The following SERINC4 variants were observed in gnomAD, a reference collection of about 807,000 sequenced individuals.
SERINC4 encodes serine incorporator 4.
SERINC4 carries 52 observed loss-of-function variants against 52.0 expected under a neutral mutation model. The observed-to-expected ratio is 1.00, with a 90% CI of 0.80 to 1.26. The LOEUF (loss-of-function observed/expected upper bound fraction) is 1.26. Ranked by LOEUF, SERINC4 falls within the 50% of genes most tolerant of loss-of-function variation. SERINC4 has a pLI of 0.00. For missense variants in SERINC4, 723 were observed against 632.8 expected, an observed-to-expected ratio of 1.14 and a Z score of -1.53; for synonymous variants, 264 against 247.7, an observed-to-expected ratio of 1.07 and a Z score of -0.62.
chr15:43,796,496 G>C, intron 8 of SERINC4, 120 bp downstream of exon 8: 1 of 1,119,536 alleles, frequency 8.9e-7, no homozygotes, highest in Admixed American at 2.1e-5. Context: ...TTTGTGGGGA[G>C]CTTTTCTCAC....
chr15:43,795,886 C>T (rs1266699945), intron 9 of SERINC4, 150 bp from the exon 10 acceptor site: 3 of 751,942 alleles, frequency 4.0e-6, no homozygotes, highest in Non-Finnish European at 6.4e-6. Flanking sequence ...AGTGGCTGTG[C>T]AGACTTTGGT....
chr15:43,799,751 G>A, intron 1 of SERINC4, 134 bp downstream of exon 1: 2 of 844,896 alleles, frequency 2.4e-6, no homozygotes, highest in Non-Finnish European at 4.0e-6. Context: ...AAACATGGCG[G>A]GAGAGATTTA....
Position 43,797,326 on chromosome 15 carries a change from C to A in SERINC4, c.663G>T (p.Trp221Cys), listed in dbSNP as rs1182776566. 3 of 1,548,750 alleles carry A rather than the reference C, an allele frequency of 1.9e-6. No individual in the cohort carries two copies. The African/African-American group carries it at 4.1e-5, about 21-fold the overall frequency. Residue 221 changes from tryptophan (W) to cysteine (C), a missense_variant, in exon 6 of 12, where the codon TGG (tryptophan) becomes TGT (cysteine). By Grantham distance (215) the Trp-to-Cys change is radical (BLOSUM62 -2). Coordinates refer to ENST00000319327, the MANE Select transcript of SERINC4 (RefSeq NM_001258031.2). ...GGGTGGCCAGCAGGACAGCCAGGAACCAGCTACAGTCTTGAGCTGCACCTG... is the reference window on the plus strand; with the variant it reads ...GGGTGGCCAGCAGGACAGCCAGGAAACAGCTACAGTCTTGAGCTGCACCTG... ...WQTGAAQDCS[W>C]FLAVLLATLG...
At position 43,797,099 on chromosome 15, in the gene SERINC4, C is replaced by G. The variant is rs769737109; in HGVS notation, c.844+46G>C. 2.0e-6 allele frequency: 3 copies of G among 1,520,668 alleles called. No individual in the cohort carries two copies. In the East Asian group the frequency reaches 7.4e-5, roughly 37 times the overall value. 94.2% of individuals were successfully genotyped at this position (1,520,668 alleles called of 1,614,324 possible). A position where few individuals can be genotyped will look rare whatever the true frequency, so the allele number is the denominator to read the frequency against. On this transcript the variant is annotated intron_variant, in intron 6 of 11. Transcript: ENST00000319327. ...TAGGGAGGTAATGAAACTTGCTATGCTTTTAAGGCCCCCAAAACCTGGAAT... is the reference window on the plus strand; with the variant it reads ...TAGGGAGGTAATGAAACTTGCTATGGTTTTAAGGCCCCCAAAACCTGGAAT...
In SERINC4 at chr15:43,795,433, A is replaced by G; in HGVS notation, c.1298T>C (p.Phe433Ser). ...YNYSAFHFVF[F>S]LASLYVMVTL... The stretch of plus-strand genomic sequence containing the variant: ...AACCATGACATAGAGTGAGGCAAGG[A>G]AGAAGACGAAGTGGAAGGCAGAATA... The change falls in exon 11 of 12, where the codon TTC (phenylalanine) becomes TCC (serine). Residue 433 changes from phenylalanine to serine, a missense_variant. Coordinates refer to ENST00000319327, the MANE Select transcript of SERINC4 (RefSeq NM_001258031.2). 6.2e-7 allele frequency: 1 copy of G among 1,614,190 alleles called. No homozygotes were observed. The highest frequency in any genetic ancestry group is 1.1e-5 in the South Asian group (1 of 91,086).
chr15:43,799,969 G>A lies in SERINC4; in HGVS notation c.18C>T (p.Ala6=). 1 of 1,544,572 alleles carries A rather than the reference G, an allele frequency of 6.5e-7. No homozygotes were observed. The highest frequency in any genetic ancestry group is 8.7e-7 in the Non-Finnish European group (1 of 1,144,832). Reference sequence around the variant, plus strand: ...CCAGGGAGGTGCCGGGGCTGGGGCCGGCCTTGGCACCCACCATCCTTGTCC... The same window carrying A: ...CCAGGGAGGTGCCGGGGCTGGGGCCAGCCTTGGCACCCACCATCCTTGTCC... MVGAK[A]GPSPGTSLGL... is the part of the protein sequence containing the mutation. Residue 6 remains alanine, a synonymous_variant, in exon 1 of 12, where the codon GCC becomes GCT. Transcript: ENST00000319327.
At position 43,799,987 on chromosome 15, in the gene SERINC4, C is replaced by T. The variant is rs1567173088; in HGVS notation, c.-1G>A. ...TGGGGCCGGCCTTGGCACCCACCAT[C>T]CTTGTCCCAGGGATTAGGCTTAGGT... is the stretch of plus-strand genomic sequence containing the variant. On this transcript the variant is annotated 5_prime_UTR_variant, in exon 1 of 12. Coordinates refer to ENST00000319327, the MANE Select transcript of SERINC4 (RefSeq NM_001258031.2). 3 of 1,532,436 alleles carry T rather than the reference C, an allele frequency of 2.0e-6. No homozygotes were observed. In the African/African-American group the frequency reaches 4.1e-5, roughly 21 times the overall value. The allele number at this position is 1,532,436 out of a possible 1,614,324, so 94.9% of individuals were successfully genotyped here.
chr15:43,796,225 T>C lies in SERINC4; in HGVS notation c.1070A>G (p.Asn357Ser). The C allele has an allele frequency of 6.2e-7, 1 of 1,612,834 alleles. No individual in the cohort carries two copies. Among genetic ancestry groups the C allele is most frequent in the East Asian group, 2.2e-5 (1 of 44,874 alleles). ...IMYACVLFAC[N>S]EASYLAEVFG... is the part of the protein sequence containing the mutation. ...TACCTCAGCCAGGTAGGAGGCCTCATTGCTGAGAAAGAATAGAGTTCTTAA... is the reference window on the plus strand; with the variant it reads ...TACCTCAGCCAGGTAGGAGGCCTCACTGCTGAGAAAGAATAGAGTTCTTAA... Residue 357 changes from asparagine to serine, a missense_variant and splice_region_variant, in exon 9 of 12, where the codon AAT becomes AGT. By Grantham distance (46) the Asn-to-Ser change is conservative. Transcript: ENST00000319327.
intron 8 of SERINC4, 147 bp downstream of exon 8, chr15:43,796,466 ATTC>A: frequency 2.3e-6 from 2 of 878,150 alleles, no homozygotes; most frequent in Non-Finnish European, 3.6e-6. Context: ...ACAAAGTACT[ATTC>A]TTAGAATTTG....
intron 2 of SERINC4, 76 bp from the exon 3 acceptor site, chr15:43,799,213 C>T: frequency 3.3e-6 from 5 of 1,504,820 alleles, no homozygotes; most frequent in Non-Finnish European, 4.5e-6. Context: ...CGGGTATGAC[C>T]ACTCATTTGT....
intron 8 of SERINC4, 92 bp downstream of exon 8, chr15:43,796,524 C>A: frequency 7.1e-7 from 1 of 1,417,202 alleles, no homozygotes; most frequent in Non-Finnish European, 9.8e-7. Context: ...TTGCTCTAAA[C>A]TTTAAATAAT....
At chr15:43,796,279 G>C (rs775954497) in intron 8 of SERINC4, 52 bp from the exon 9 acceptor site, 1 of 1,420,444 alleles carries the variant, frequency 7.0e-7, no homozygotes, top group East Asian at 2.3e-5. Flanking sequence ...GGATTATCTG[G>C]GGGCATTTAC....
In SERINC4 at chr15:43,799,106, A is replaced by C; in HGVS notation, c.311T>G (p.Leu104Arg). ...CACTGGACAGTCAGAGAGGCCAAAC[A>C]GGTGGGCACACAACCCCGAGGGCAT... is the stretch of plus-strand genomic sequence containing the variant. ...IQMPSGLCAH[L>R]FGLSDCPVLS... is the part of the protein sequence containing the mutation. Residue 104 changes from leucine to arginine, a missense_variant, in exon 3 of 12, where the codon CTG (leucine) becomes CGG (arginine). Transcript: ENST00000319327. 1 of 1,550,264 alleles carries C rather than the reference A, an allele frequency of 6.5e-7. No homozygotes were observed. Among genetic ancestry groups the C allele is most frequent in the African/African-American group, 1.4e-5 (1 of 73,146 alleles).
At position 43,799,454 on chromosome 15, in the gene SERINC4, G is replaced by A. The variant is rs1032762579; in HGVS notation, c.135C>T (p.Ser45=). The A allele has an allele frequency of 1.9e-6, 3 of 1,550,740 alleles. No individual in the cohort carries two copies. The highest frequency in any genetic ancestry group is 1.2e-5 in the South Asian group (1 of 84,068). The change falls in exon 2 of 12, where the codon AGC becomes AGT. Residue 45 remains serine (S), a synonymous_variant. Coordinates refer to ENST00000319327, the MANE Select transcript of SERINC4 (RefSeq NM_001258031.2). The part of the protein sequence containing the change: ...VCCCGPAPCA[S]CCHSRWPSLT... ...GAGAGGGCCACCTAGAGTGGCAGCA[G>A]CTGGCACAAGGAGCAGGCCCACAGC...
At position 43,795,747 on chromosome 15, in the gene SERINC4, G is replaced by C. The variant is rs754731664; in HGVS notation, c.1141-11C>G. On this transcript the variant is annotated splice_polypyrimidine_tract_variant and intron_variant, in intron 9 of 11. Transcript: ENST00000319327. The stretch of plus-strand genomic sequence containing the variant: ...ACACAGTGAGGGCTTCTGCAAAACA[G>C]AACGCAGGTTTTGGAATGGTCTTAA... 1.2e-6 allele frequency: 2 copies of C among 1,612,944 alleles called. No homozygotes were observed. The highest frequency in any genetic ancestry group is 1.7e-6 in the Non-Finnish European group (2 of 1,179,492).
Position 43,794,896 on chromosome 15 carries a change from A to G in SERINC4, c.*104T>C, listed in dbSNP as rs755103256. 4.6e-6 allele frequency: 4 copies of G among 861,384 alleles called. No individual in the cohort carries two copies. The highest frequency in any genetic ancestry group is 7.3e-6 in the Non-Finnish European group (4 of 548,202). 53.4% of individuals were successfully genotyped at this position (861,384 alleles called of 1,614,324 possible). ...AGTATTGACTTCAGCCCAAACGGAG[A>G]TAACTCCCTGTGTGTCCTTGAGGTA... is the stretch of plus-strand genomic sequence containing the variant. On this transcript the variant is annotated 3_prime_UTR_variant, in exon 12 of 12. Transcript: ENST00000319327.
chr15:43,797,385 G>A (rs988021130), intron 5 of SERINC4, 29 bp from the exon 6 acceptor site: 26 of 1,512,412 alleles, frequency 1.7e-5, no homozygotes, highest in Non-Finnish European at 2.1e-5. Context: ...CAATGGCTTG[G>A]AGCTCCAGCA....
intron 1 of SERINC4, 180 bp downstream of exon 1, chr15:43,799,705 T>C (rs1241427571): frequency 4.9e-6 from 4 of 809,904 alleles, no homozygotes; most frequent in African/African-American, 1.7e-5. Context: ...GCTTGAGATA[T>C]CTGACCTTTC....
Position 43,794,299 on chromosome 15 carries a change from C to T in SERINC4, c.*701G>A, listed in dbSNP as rs1305078985. 2 of 266,932 alleles carry T rather than the reference C, an allele frequency of 7.5e-6. No homozygotes were observed. The highest frequency in any genetic ancestry group is 2.2e-5 in the African/African-American group (1 of 45,282). The allele number at this position is 266,932 out of a possible 1,614,324, so 16.5% of individuals were successfully genotyped here. ...TTTGTTCCCCACCCTTGAACACCAT[C>T]TCTAGGATGGAGTTGGCCTAAGAGT... On this transcript the variant is annotated 3_prime_UTR_variant, in exon 12 of 12. Transcript: ENST00000319327.
Sources: allele counts gnomAD v4.1 joint callset, GRCh38; gene constraint gnomAD v4.1.1; transcripts MANE v1.5; gene names NCBI Gene and HGNC (gene_info 2026-07-23, HGNC 2026-07-21).